The following COQ2 variants were observed in gnomAD, a reference collection of about 807,000 sequenced individuals.
COQ2 encodes 4-hydroxybenzoate polyprenyltransferase, mitochondrial.
In COQ2, 25 loss-of-function variants were observed where a neutral mutation model predicts 35.7. That is an observed-to-expected ratio of 0.70 (90% CI 0.51 to 0.98). COQ2 has a LOEUF of 0.98. Ranked by LOEUF, COQ2 falls within the 50% of genes least tolerant of loss-of-function variation. COQ2 has a pLI of 0.00. For synonymous variants in COQ2, 206 were observed against 186.2 expected, an observed-to-expected ratio of 1.11 and a Z score of -0.86; for missense variants, 488 against 473.5, an observed-to-expected ratio of 1.03 and a Z score of -0.28.
intron 1 of COQ2, among the ~76,000 whole-genome samples, chr4:83,279,755 C>A (rs1735272371): frequency 6.6e-6 from 1 of 151,936 alleles, no homozygotes; most frequent in African/African-American, 2.4e-5. Context: ...CACTCTATAC[C>A]CTGGCACCTT....
rs780439973 is a variant in COQ2 at position 83,264,199 on chromosome 4, T to A, written c.1116A>T (p.Ter372TyrextTer1). 4 of 1,317,876 alleles carry A rather than the reference T, an allele frequency of 3.0e-6. No homozygotes were observed. The South Asian group carries it at 5.7e-5, about 19-fold the overall frequency. 81.6% of individuals were successfully genotyped at this position (1,317,876 alleles called of 1,614,324 possible). Residue 372 changes from the stop codon to tyrosine (Y), a stop_lost, in exon 7 of 7, where the codon TAA becomes TAT. Transcript: ENST00000647002. ...AAAATTCCTAGATAAATTTCATTCA[T>A]TAATTTTCTATTTTATTCTCTATAC... ...KKGIENKIEN[*>Y]
intron 5 of COQ2, 64 bp downstream of exon 5, chr4:83,269,796 C>T: frequency 7.6e-7 from 1 of 1,313,664 alleles, no homozygotes; most frequent in Non-Finnish European, 1.0e-6. Context: ...ATGCTTTCTC[C>T]TTAATTTGGT....
At position 83,279,034 on chromosome 4, in the gene COQ2, G is replaced by A. The variant is rs1218485319; in HGVS notation, c.334C>T (p.Leu112Phe). ...EPGCFPDWYM[L>F]SLFGTGAILM... ...ATAGCTCCAGTGCCAAAGAGGGAGAGCATGTACCAATCTGGAAAACAACCT... is the reference window on the plus strand; with the variant it reads ...ATAGCTCCAGTGCCAAAGAGGGAGAACATGTACCAATCTGGAAAACAACCT... Residue 112 changes from leucine (L) to phenylalanine (F), a missense_variant, in exon 2 of 7, where the codon CTC becomes TTC. By Grantham distance (22) the Leu-to-Phe change is conservative (BLOSUM62 0). Coordinates refer to ENST00000647002, the MANE Select transcript of COQ2 (RefSeq NM_001358921.2). 2.5e-6 allele frequency: 4 copies of A among 1,603,412 alleles called. No individual in the cohort carries two copies. Among genetic ancestry groups the A allele is most frequent in the East Asian group, 2.2e-5 (1 of 44,632 alleles).
chr4:83,281,362 A>G (rs530592269), intron 1 of COQ2: 1 of 152,364 alleles, frequency 6.6e-6, no homozygotes, highest in African/African-American at 2.4e-5. Context: ...GTAACCACTT[A>G]TAGTGTTTTC....
At chr4:83,283,943 A>G in intron 1 of COQ2, 1 of 985,462 alleles carries the variant, frequency 1.0e-6, no homozygotes, top group Non-Finnish European at 1.2e-6. Flanking sequence ...GTTCAAATGA[A>G]TTAAATCTTT....
rs879807573 is a variant in COQ2, at chr4:83,284,548, G to A, written c.217C>T (p.Pro73Ser). ...TCCAACCGCATGAGGCGCAAGTACGGCTGCAGGGGGCGGGGCGCAGAGTCC... is the reference window on the plus strand; with the variant it reads ...TCCAACCGCATGAGGCGCAAGTACGACTGCAGGGGGCGGGGCGCAGAGTCC... ...VVDSAPRPLQ[P>S]YLRLMRLDKP... Residue 73 changes from proline (P) to serine (S), a missense_variant, in exon 1 of 7, where the codon CCG becomes TCG. Pro to Ser is a moderately conservative substitution (Grantham distance 74, BLOSUM62 -1). Coordinates refer to ENST00000647002, the MANE Select transcript of COQ2 (RefSeq NM_001358921.2). 3 of 1,572,274 alleles carry A rather than the reference G, an allele frequency of 1.9e-6. No homozygotes were observed. The highest frequency in any genetic ancestry group is 1.7e-4 in the Middle Eastern group (1 of 5,918).
In COQ2 at chr4:83,276,070, T is replaced by TTATATA. The variant is rs1553916305; in HGVS notation, c.421-2454_421-2453insTATATA. ...TATATATTATATATAATATATATTTTATATATAATATATATATACATATTC... is the reference window on the plus strand; with the variant it reads ...TATATATTATATATAATATATATTTTTATATAATATATAATATATATATACATATTC... On this transcript the variant is annotated intron_variant, in intron 2 of 6. Coordinates refer to ENST00000647002, the MANE Select transcript of COQ2 (RefSeq NM_001358921.2). 7.5e-5 allele frequency among the ~76,000 whole-genome samples: 5 copies of TTATATA among 66,614 alleles called. 1 individual carries two copies. The highest frequency in any genetic ancestry group is 4.6e-4 in the Admixed American group (3 of 6,494). The allele number at this position is 66,614 out of a possible 152,430, so 43.7% of individuals were successfully genotyped here.
intron 2 of COQ2, among the ~76,000 whole-genome samples, chr4:83,276,216 T>A (rs1453196942): frequency 6.6e-6 from 1 of 151,794 alleles, no homozygotes; most frequent in Non-Finnish European, 1.5e-5. Flanking sequence ...GAAAAATGTC[T>A]GTTCATGTGC....
Position 83,264,149 on chromosome 4 carries a change from A to G in COQ2, c.*50T>C. On this transcript the variant is annotated 3_prime_UTR_variant, in exon 7 of 7. Coordinates refer to ENST00000647002, the MANE Select transcript of COQ2 (RefSeq NM_001358921.2). Reference sequence around the variant, plus strand: ...GTATCAGATTTTGTATTCAAATCTAATTATATTTTGTAAAAAATGTTTTAA... The same window carrying G: ...GTATCAGATTTTGTATTCAAATCTAGTTATATTTTGTAAAAAATGTTTTAA... 1 of 943,670 alleles carries G rather than the reference A, an allele frequency of 1.1e-6. No individual in the cohort carries two copies. Among genetic ancestry groups the G allele is most frequent in the Non-Finnish European group, 1.6e-6 (1 of 642,764 alleles). 58.5% of individuals were successfully genotyped at this position (943,670 alleles called of 1,614,324 possible). A position where few individuals can be genotyped will look rare whatever the true frequency, so the allele number is the denominator to read the frequency against.
In COQ2 at chr4:83,269,872, A is replaced by C; in HGVS notation, c.750T>G (p.Ile250Met). 1 of 1,594,260 alleles carries C rather than the reference A, an allele frequency of 6.3e-7. No individual in the cohort carries two copies. The highest frequency in any genetic ancestry group is 8.5e-7 in the Non-Finnish European group (1 of 1,170,080). Residue 250 changes from isoleucine to methionine, a missense_variant, in exon 5 of 7, where the codon ATT (isoleucine) becomes ATG (methionine). Transcript: ENST00000647002. ...GVMWTLIYDTIYAHQDKRDDV... is the reference protein window; with the variant it reads ...GVMWTLIYDTMYAHQDKRDDV... ...ATAATTTCTTTACCTGATGGGCATAAATAGTATCATATATTAGTGTCCACA... is the reference window on the plus strand; with the variant it reads ...ATAATTTCTTTACCTGATGGGCATACATAGTATCATATATTAGTGTCCACA...
At chr4:83,270,100 T>C (rs756220409) in intron 4 of COQ2, 107 bp from the exon 5 acceptor site, 98 of 1,180,814 alleles carry the variant, frequency 8.3e-5, no homozygotes, top group Admixed American at 7.6e-5. Context: ...TATCAGACTC[T>C]GTGTGTGCTG....
At chr4:83,267,858 T>C in intron 5 of COQ2, 84 bp from the exon 6 acceptor site, 2 of 1,068,584 alleles carry the variant, frequency 1.9e-6, no homozygotes, top group Non-Finnish European at 2.5e-6. Context: ...TCAGATTTAG[T>C]GTTTTTTTGT....
chr4:83,267,955 G>A (rs1156961897), intron 5 of COQ2, among the ~76,000 whole-genome samples, 181 bp from the exon 6 acceptor site: 3 of 152,116 alleles, frequency 2.0e-5, no homozygotes, highest in Non-Finnish European at 4.4e-5. Context: ...ACCATAAGCG[G>A]TGAAAGATGA....
At chr4:83,279,596 T>A (rs1197064382) in intron 1 of COQ2, among the ~76,000 whole-genome samples, 4 of 152,028 alleles carry the variant, frequency 2.6e-5, no homozygotes, top group African/African-American at 9.7e-5. Flanking sequence ...AATATATATA[T>A]ATATACGTAC....
chr4:83,280,147 G>A (rs1378863572), intron 1 of COQ2, among the ~76,000 whole-genome samples: 1 of 152,100 alleles, frequency 6.6e-6, no homozygotes, highest in African/African-American at 2.4e-5. Context: ...GTACTTTGCA[G>A]CTACATGTAC....
intron 1 of COQ2, 98 bp from the exon 2 acceptor site, chr4:83,279,212 T>C: frequency 2.9e-6 from 4 of 1,356,822 alleles, no homozygotes; most frequent in South Asian, 1.8e-5. Flanking sequence ...AAGAACACTA[T>C]AAGTCAAAAA....
intron 3 of COQ2, among the ~76,000 whole-genome samples, chr4:83,272,942 T>C (rs1409276354): frequency 6.6e-6 from 1 of 152,202 alleles, no homozygotes; most frequent in Non-Finnish European, 1.5e-5. Flanking sequence ...CTCCATAAAG[T>C]AACTTTTTGT....
At chr4:83,273,663 T>C in intron 2 of COQ2, 46 bp from the exon 3 acceptor site, 1 of 1,582,858 alleles carries the variant, frequency 6.3e-7, no homozygotes, top group Non-Finnish European at 8.6e-7. Context: ...AATGACTCAA[T>C]CATTTATTTA....
chr4:83,264,647 A>G (rs936603723), intron 6 of COQ2, among the ~76,000 whole-genome samples: 1 of 152,116 alleles, frequency 6.6e-6, no homozygotes, highest in African/African-American at 2.4e-5. Context: ...CTCAAAAAAA[A>G]AGAAAAAGAA....
Sources: allele counts gnomAD v4.1 joint callset (sites outside exome capture counted in the v4.1 genomes callset), GRCh38; gene constraint gnomAD v4.1.1; transcripts MANE v1.5; gene names NCBI Gene and HGNC (gene_info 2026-07-23, HGNC 2026-07-21).